Variants in PAH observed in about 807,000 individuals in gnomAD.
PAH encodes phenylalanine-4-hydroxylase.
PAH carries 64 observed loss-of-function variants against 62.0 expected under a neutral mutation model. That is an observed-to-expected ratio of 1.03 (90% CI 0.84 to 1.27). The LOEUF is 1.27. Among genes scored for constraint, PAH ranks in the 50% most tolerant of loss-of-function variants. PAH has a pLI of 0.00. For synonymous variants in PAH, 195 were observed against 196.2 expected (o/e 0.99, Z 0.05); for missense variants, 579 against 542.8 (o/e 1.07, Z -0.66).
intron 1 of PAH, among the ~76,000 whole-genome samples, chr12:102,922,257 G>A (rs1054693965): frequency 2.8e-5 from 4 of 145,288 alleles, no homozygotes; most frequent in African/African-American, 2.6e-5. Flanking sequence ...ACAGTGGTAC[G>A]ATCTCAGCTC....
chr12:102,848,931 G>C (rs966331393), intron 8 of PAH, among the ~76,000 whole-genome samples: 4 of 134,312 alleles, frequency 3.0e-5, no homozygotes, highest in Non-Finnish European at 4.9e-5. Flanking sequence ...GAGTGTAGAC[G>C]GGACACCAGG....
At chr12:102,911,757 T>C (rs1457044412) in intron 2 of PAH, among the ~76,000 whole-genome samples, 4 of 152,176 alleles carry the variant, frequency 2.6e-5, no homozygotes, top group African/African-American at 9.7e-5. Context: ...TCACAAGATA[T>C]CTAATCGTAT....
chr12:102,872,877 A>G (rs1163825808), intron 4 of PAH, among the ~76,000 whole-genome samples: 2 of 152,200 alleles, frequency 1.3e-5, no homozygotes, highest in African/African-American at 4.8e-5. Context: ...CTGAGGCAGG[A>G]GAATCACTTG....
intron 7 of PAH, chr12:102,851,985 A>G (rs1875173475): frequency 3.8e-6 from 2 of 531,616 alleles, no homozygotes; most frequent in Admixed American, 3.2e-5. Flanking sequence ...GGTAGGGCAC[A>G]GCAGCCAAGG....
In PAH at chr12:102,937,140, C is replaced by A. The variant is rs551184536; in HGVS notation, c.-96+13449G>T. On this transcript the variant is annotated intron_variant, in intron 1 of 3. Coordinates refer to the PAH transcript ENST00000546844. ...GTTTCCCAAGGCCTCCCCAGCCCTG[C>A]AGAACTGTGAGTCAATTAAATCTCT... 2.0e-5 allele frequency among the ~76,000 whole-genome samples: 3 copies of A among 152,320 alleles called. No individual in the cohort carries two copies. In the South Asian group the frequency reaches 6.2e-4, roughly 32 times the overall value.
chr12:102,926,377 T>C (rs1337465595), intron 1 of PAH, among the ~76,000 whole-genome samples: 1 of 151,538 alleles, frequency 6.6e-6, no homozygotes, highest in East Asian at 2.0e-4. Context: ...TATGAGTAAA[T>C]GGGACTTTTC....
chr12:102,874,428 C>A (rs1876478818), intron 4 of PAH, among the ~76,000 whole-genome samples: 3 of 152,180 alleles, frequency 2.0e-5, no homozygotes, highest in Admixed American at 2.0e-4. Flanking sequence ...GTCACTTCAA[C>A]CTCCTTTCTT....
chr12:102,957,435 C>T lies in PAH; in HGVS notation c.-96+760G>A, dbSNP rs1265229943. On this transcript the variant is annotated intron_variant, in intron 1 of 4. Transcript: ENST00000551337. The surrounding 1 kb of genome is among the most constrained non-coding windows in gnomAD (Gnocchi z 4.1). The stretch of plus-strand genomic sequence containing the variant: ...CGGCACGCGCCAGGCGCACGCACTG[C>T]AACAACAAACCCAGCTGAATGGAGA... Among the ~76,000 whole-genome samples, 2 of 151,464 alleles carry T rather than the reference C, an allele frequency of 1.3e-5. No individual in the cohort carries two copies. Among genetic ancestry groups the T allele is most frequent in the Non-Finnish European group, 2.9e-5 (2 of 67,940 alleles).
intron 8 of PAH, among the ~76,000 whole-genome samples, chr12:102,849,221 T>C (rs996569846): frequency 6.6e-6 from 1 of 152,202 alleles, no homozygotes; most frequent in Non-Finnish European, 1.5e-5. Flanking sequence ...GAGTTGGTAA[T>C]GTCCCAAAGT....
intron 3 of PAH, among the ~76,000 whole-genome samples, chr12:102,881,572 C>T (rs1876815459): frequency 6.6e-6 from 1 of 152,124 alleles, no homozygotes; most frequent in Admixed American, 6.5e-5. Context: ...AGTACTTGCT[C>T]ATCTTATGAC....
intron 3 of PAH, 106 bp from the exon 4 acceptor site, chr12:102,877,656 G>T (rs1393622874): frequency 1.2e-6 from 1 of 835,622 alleles, no homozygotes; most frequent in African/African-American, 1.7e-5. Flanking sequence ...ATGGCAAGTG[G>T]GCTGGCTTCC....
At chr12:102,944,987 A>G (rs989655045) in intron 1 of PAH, 1 of 152,282 alleles carries the variant, frequency 6.6e-6, no homozygotes, top group African/African-American at 2.4e-5. Flanking sequence ...GGGAAACTCC[A>G]AACCAAGTAA....
At chr12:102,885,354 G>A (rs903242359) in intron 3 of PAH, among the ~76,000 whole-genome samples, 3 of 152,202 alleles carry the variant, frequency 2.0e-5, no homozygotes, top group Non-Finnish European at 4.4e-5. Flanking sequence ...GTTTTGAAAA[G>A]TTAAATCAGA....
intron 4 of PAH, 75 bp downstream of exon 4, chr12:102,877,387 A>C: frequency 9.9e-7 from 1 of 1,007,064 alleles, no homozygotes. Context: ...TGCTCCAAGT[A>C]GAGAAGGTAA....
chr12:102,952,528 G>A (rs1274556044), upstream of PAH, among the ~76,000 whole-genome samples: 1 of 152,110 alleles, frequency 6.6e-6, no homozygotes, highest in Non-Finnish European at 1.5e-5. Context: ...TTGATTCTTT[G>A]GAGAGCTATA....
At chr12:102,907,254 G>C (rs1196282874) in intron 2 of PAH, among the ~76,000 whole-genome samples, 1 of 152,178 alleles carries the variant, frequency 6.6e-6, no homozygotes, top group Non-Finnish European at 1.5e-5. Context: ...AAGAATGAGA[G>C]ACTGGGACCA....
chr12:102,900,428 A>G (rs1389927340), intron 2 of PAH, among the ~76,000 whole-genome samples: 2 of 152,112 alleles, frequency 1.3e-5, no homozygotes, highest in African/African-American at 4.8e-5. Context: ...AAATACTTAT[A>G]ATAGATATAG....
intron 3 of PAH, among the ~76,000 whole-genome samples, chr12:102,892,008 T>C (rs758859630): frequency 1.6e-4 from 24 of 152,048 alleles, no homozygotes; most frequent in African/African-American, 3.9e-4. Flanking sequence ...AGGGCAGTCA[T>C]TGGGGAAGCA....
intron 3 of PAH, among the ~76,000 whole-genome samples, chr12:102,878,989 G>A (rs1876697593): frequency 6.6e-6 from 1 of 152,126 alleles, no homozygotes; most frequent in African/African-American, 2.4e-5. Flanking sequence ...ACCCTGAAGT[G>A]AGTGCAAGGC....
Sources: gnomAD v4.1 joint callset for allele counts (sites outside exome capture counted in the v4.1 genomes callset) on GRCh38, gnomAD v4.1.1 for gene constraint, Gnocchi (gnomAD v3.1) non-coding constraint, MANE v1.5 for transcripts, NCBI Gene and HGNC (gene_info 2026-07-23, HGNC 2026-07-21) for gene names.